The following CHAF1B variants were observed in gnomAD, a reference collection of about 807,000 sequenced individuals.
The protein encoded by CHAF1B is CAF-1 subunit B.
In CHAF1B, 10 loss-of-function variants were observed where a neutral mutation model predicts 60.7. The observed-to-expected ratio is 0.16, with a 90% CI of 0.10 to 0.28. The LOEUF (loss-of-function observed/expected upper bound fraction) is 0.28, where lower values mean the gene tolerates loss of function less well. CHAF1B is among the 10% of genes least tolerant of loss of function. The pLI is 1.00. For synonymous variants in CHAF1B, 261 were observed against 266.1 expected, an observed-to-expected ratio of 0.98 and a Z score of 0.19; for missense variants, 558 against 708.4, an observed-to-expected ratio of 0.79 and a Z score of 2.41.
intron 13 of CHAF1B, among the ~76,000 whole-genome samples, chr21:36,416,033 C>A (rs549062858): frequency 8.5e-5 from 13 of 152,230 alleles, no homozygotes; most frequent in Admixed American, 7.8e-4. Context: ...CGATTACAGG[C>A]GTGAGCCACC....
intron 3 of CHAF1B, 151 bp downstream of exon 3, chr21:36,387,881 C>G: frequency 1.1e-6 from 1 of 948,720 alleles, no homozygotes; most frequent in Non-Finnish European, 1.6e-6. Flanking sequence ...TGCAGTGGTG[C>G]AAACTCGACT....
At chr21:36,412,279 G>A (rs1015440917) in intron 11 of CHAF1B, among the ~76,000 whole-genome samples, 3 of 152,146 alleles carry the variant, frequency 2.0e-5, no homozygotes, top group African/African-American at 7.2e-5. Context: ...CCCCAAGCTG[G>A]GCCTGTGTAG....
rs113087996 is a variant in CHAF1B, at chr21:36,401,634, T to C, written c.664-1124T>C. Among the ~76,000 whole-genome samples the C allele has an allele frequency of 6.3e-3, 820 of 129,192 alleles. 8 individuals carry two copies. The highest frequency in any genetic ancestry group is 0.011 in the Admixed American group (121 of 11,326). 84.8% of individuals were successfully genotyped at this position (129,192 alleles called of 152,430 possible). On this transcript the variant is annotated intron_variant, in intron 7 of 13. Coordinates refer to ENST00000314103, the MANE Select transcript of CHAF1B (RefSeq NM_005441.3). ...ACATAATATATATTTTTATATTATATATAATATATATTTTTATATTATATA... is the reference window on the plus strand; with the variant it reads ...ACATAATATATATTTTTATATTATACATAATATATATTTTTATATTATATA...
chr21:36,392,633 G>A (rs2086100296), intron 4 of CHAF1B, among the ~76,000 whole-genome samples: 1 of 147,646 alleles, frequency 6.8e-6, no homozygotes, highest in African/African-American at 2.5e-5. Context: ...TGGGCGGAGG[G>A]GCTCCTCTCT....
intron 7 of CHAF1B, among the ~76,000 whole-genome samples, chr21:36,402,079 A>G (rs1470637106): frequency 1.3e-5 from 2 of 152,304 alleles, no homozygotes; most frequent in East Asian, 3.9e-4. Flanking sequence ...AAACTGTCCC[A>G]GACAGGTGTT....
At chr21:36,388,115 G>A (rs780574961) in intron 3 of CHAF1B, among the ~76,000 whole-genome samples, 5 of 152,052 alleles carry the variant, frequency 3.3e-5, no homozygotes, top group Non-Finnish European at 7.4e-5. Flanking sequence ...GAGCCACTGC[G>A]CCCGGCCTGG....
In CHAF1B at chr21:36,416,598, T is replaced by G; in HGVS notation, c.*232T>G. 2.5e-6 allele frequency: 1 copy of G among 398,630 alleles called. No individual in the cohort carries two copies. Among genetic ancestry groups the G allele is most frequent in the Non-Finnish European group, 4.5e-6 (1 of 219,968 alleles). The allele number at this position is 398,630 out of a possible 1,614,324, so 24.7% of individuals were successfully genotyped here. ...CGTTTTAACGTAGTAAATCCTCTTT[T>G]TGATGAGTTTCTGAAACTGGAGCGG... On this transcript the variant is annotated 3_prime_UTR_variant, in exon 14 of 14. Coordinates refer to ENST00000314103, the MANE Select transcript of CHAF1B (RefSeq NM_005441.3).
intron 2 of CHAF1B, among the ~76,000 whole-genome samples, chr21:36,386,778 A>T (rs375522824): frequency 2.0e-5 from 3 of 151,380 alleles, no homozygotes; most frequent in African/African-American, 7.3e-5. Context: ...CAGTGGTGCA[A>T]TCTCGACTTA....
intron 11 of CHAF1B, chr21:36,412,615 G>T: frequency 2.6e-6 from 1 of 385,534 alleles, no homozygotes; most frequent in South Asian, 2.7e-5. Flanking sequence ...ACCTGCCTTG[G>T]CCTCCCAAAG....
At chr21:36,415,809 G>A (rs958564035) in intron 13 of CHAF1B, 2 of 394,698 alleles carry the variant, frequency 5.1e-6, no homozygotes, top group Admixed American at 3.4e-5. Context: ...CTGGAATGCA[G>A]TGGCACGATT....
intron 2 of CHAF1B, 75 bp downstream of exon 2, chr21:36,386,337 T>C: frequency 6.4e-7 from 1 of 1,563,796 alleles, no homozygotes; most frequent in Non-Finnish European, 8.7e-7. Context: ...TTAAAACCAG[T>C]GTCGGCTGGG....
At position 36,399,572 on chromosome 21, in the gene CHAF1B, G is replaced by A. The variant is rs764238425; in HGVS notation, c.630G>A (p.Ser210=). The change falls in exon 7 of 14, where the codon TCG becomes TCA. Residue 210 remains serine, a synonymous_variant. Transcript: ENST00000314103. ...IQKKRVAFNV[S]KMLSGIGAEG... Reference sequence around the variant, plus strand: ...AGAAGCGTGTGGCTTTCAATGTTTCGAAGATGCTGTCTGGAATAGGGGCTG... The same window carrying A: ...AGAAGCGTGTGGCTTTCAATGTTTCAAAGATGCTGTCTGGAATAGGGGCTG... 2.2e-5 allele frequency: 35 copies of A among 1,613,956 alleles called. No homozygotes were observed. The highest frequency in any genetic ancestry group is 5.3e-5 in the African/African-American group (4 of 74,884).
rs770954589 is a variant in CHAF1B at position 36,387,761 on chromosome 21, G to A, written c.259+31G>A. 7 of 1,613,044 alleles carry A rather than the reference G, an allele frequency of 4.3e-6. 1 individual carries two copies. Among genetic ancestry groups the A allele is most frequent in the South Asian group, 3.3e-5 (3 of 91,046 alleles). On this transcript the variant is annotated intron_variant, in intron 3 of 13. Coordinates refer to ENST00000314103, the MANE Select transcript of CHAF1B (RefSeq NM_005441.3). Reference sequence around the variant, plus strand: ...TATTGCTGTCCTTCAGAGATTCTTCGGGAACCAGATAGATACCTGTGTGTC... The same window carrying A: ...TATTGCTGTCCTTCAGAGATTCTTCAGGAACCAGATAGATACCTGTGTGTC...
At chr21:36,403,286 CCTCT>C (rs1387052660) in intron 8 of CHAF1B, among the ~76,000 whole-genome samples, 1 of 151,140 alleles carries the variant, frequency 6.6e-6, no homozygotes, top group African/African-American at 2.4e-5. Flanking sequence ...GGTGAAACAC[CCTCT>C]CTATTAAAAA....
intron 8 of CHAF1B, among the ~76,000 whole-genome samples, chr21:36,404,962 C>G (rs908433100): frequency 7.3e-6 from 1 of 137,466 alleles, no homozygotes; most frequent in East Asian, 2.2e-4. Context: ...CAGGCTGGTC[C>G]CAAACTCCTG....
intron 3 of CHAF1B, among the ~76,000 whole-genome samples, chr21:36,389,800 T>TGTGTGTGTGTGTGTGTGTGCGCGCGCGC: frequency 1.6e-5 from 2 of 124,746 alleles, no homozygotes; most frequent in Admixed American, 7.6e-5. Context: ...TGTGTGTGTG[T>TGTGTGTGTGTGTGTGTGTGCGCGCGCGC]GCGCGCGCAC....
intron 8 of CHAF1B, 134 bp downstream of exon 8, chr21:36,402,985 C>A: frequency 1.5e-6 from 1 of 687,960 alleles, no homozygotes; most frequent in Non-Finnish European, 2.5e-6. Context: ...CCATTGGAAC[C>A]TCCAGGAGAG....
chr21:36,387,830 T>G, intron 3 of CHAF1B, 100 bp downstream of exon 3: 1 of 1,424,720 alleles, frequency 7.0e-7, no homozygotes. Context: ...CTTTTTTTTT[T>G]TTTTTGAGAT....
At chr21:36,405,556 A>C (rs1053285546) in intron 8 of CHAF1B, among the ~76,000 whole-genome samples, 3 of 151,948 alleles carry the variant, frequency 2.0e-5, no homozygotes, top group Admixed American at 1.3e-4. Context: ...CAGCCTCCCT[A>C]CTAGCTGGGA....
Sources: allele counts gnomAD v4.1 joint callset (sites outside exome capture counted in the v4.1 genomes callset), GRCh38; gene constraint gnomAD v4.1.1; transcripts MANE v1.5; gene names NCBI Gene and HGNC (gene_info 2026-07-23, HGNC 2026-07-21).